FOXP1: variants seen among roughly 807,000 people sequenced by gnomAD.
The protein encoded by FOXP1 is forkhead box protein P1.
Under a neutral mutation model 98.2 loss-of-function variants are expected in FOXP1, and 15 were observed. The observed-to-expected ratio is 0.15, with a 90% CI of 0.10 to 0.24. FOXP1 has a LOEUF of 0.24. Ranked by LOEUF, FOXP1 falls within the 10% of genes least tolerant of loss-of-function variation. FOXP1 has a pLI of 1.00. For missense variants in FOXP1, 633 were observed against 848.5 expected (o/e 0.75, Z 3.15); for synonymous variants, 371 against 314.5 (o/e 1.18, Z -1.90).
intron 7 of FOXP1, among the ~76,000 whole-genome samples, chr3:71,068,248 C>T (rs2052795867): frequency 1.3e-5 from 2 of 152,216 alleles, no homozygotes. Flanking sequence ...TATGATCCCA[C>T]ACCAAACTCT....
Position 70,955,572 on chromosome 3 carries a change from T to TG in FOXP1, c.*3674_*3675insC, listed in dbSNP as rs2106793116. 1 of 222,176 alleles carries TG rather than the reference T, an allele frequency of 4.5e-6. No homozygotes were observed. Among genetic ancestry groups the TG allele is most frequent in the East Asian group, 6.1e-5 (1 of 16,326 alleles). The allele number at this position is 222,176 out of a possible 1,614,324, so 13.8% of individuals were successfully genotyped here. A position where few individuals can be genotyped will look rare whatever the true frequency, so the allele number is the denominator to read the frequency against. ...TTTACATCTTGGCACCTTGTAAAGTTTTTTTTTTTTTATACAAAAGTTCAA... is the reference window on the plus strand; with the variant it reads ...TTTACATCTTGGCACCTTGTAAAGTTGTTTTTTTTTTTATACAAAAGTTCAA... On this transcript the variant is annotated 3_prime_UTR_variant, in exon 21 of 21. Coordinates refer to ENST00000649528, the MANE Select transcript of FOXP1 (RefSeq NM_001349338.3).
intron 2 of FOXP1, among the ~76,000 whole-genome samples, chr3:71,513,643 T>TA (rs1252029949): frequency 1.3e-5 from 2 of 152,192 alleles, no homozygotes; most frequent in Non-Finnish European, 2.9e-5. Context: ...GGTCAGGGTG[T>TA]AGCGCAAGGT....
At chr3:71,079,424 G>C (rs2107508523) in intron 7 of FOXP1, among the ~76,000 whole-genome samples, 1 of 152,072 alleles carries the variant, frequency 6.6e-6, no homozygotes, top group Middle Eastern at 3.4e-3. Flanking sequence ...GAGAACTTCA[G>C]CCTGCTGAGA....
intron 6 of FOXP1, among the ~76,000 whole-genome samples, chr3:71,166,496 A>G (rs1425120086): frequency 1.3e-5 from 2 of 152,174 alleles, no homozygotes; most frequent in Non-Finnish European, 2.9e-5. Flanking sequence ...AGTTTAAACA[A>G]CTTGTTTACA....
At chr3:71,317,037 C>T (rs2075121609) in intron 4 of FOXP1, among the ~76,000 whole-genome samples, 1 of 152,092 alleles carries the variant, frequency 6.6e-6, no homozygotes, top group Non-Finnish European at 1.5e-5. Flanking sequence ...AAGTAAAATC[C>T]TCAGCTCAGA....
intron 2 of FOXP1, among the ~76,000 whole-genome samples, chr3:71,557,000 A>C (rs2107704545): frequency 6.6e-6 from 1 of 152,350 alleles, no homozygotes; most frequent in East Asian, 1.9e-4. Context: ...ACTAAAAAAA[A>C]AGTGTTCATG....
intron 3 of FOXP1, among the ~76,000 whole-genome samples, chr3:71,438,491 T>C (rs2085584900): frequency 6.6e-6 from 1 of 152,146 alleles, no homozygotes; most frequent in Non-Finnish European, 1.5e-5. Flanking sequence ...CAGAGGAAAC[T>C]CTGGCTCACA....
At chr3:71,468,445 A>T (rs536598286) in intron 3 of FOXP1, among the ~76,000 whole-genome samples, 1 of 152,258 alleles carries the variant, frequency 6.6e-6, no homozygotes, top group East Asian at 1.9e-4. Context: ...TCACACAGGG[A>T]TCTCACCTGC....
rs188739153 is a variant in FOXP1 at position 71,168,770 on chromosome 3, T to G, written c.180+29432A>C. ...GTTTGCCAGTGCTGGAAAACTTTTT[T>G]CCCCCGTTTTTAGGCAAACATTTGC... On this transcript the variant is annotated intron_variant, in intron 6 of 20. Coordinates refer to ENST00000649528, the MANE Select transcript of FOXP1 (RefSeq NM_001349338.3). 2.7e-3 allele frequency among the ~76,000 whole-genome samples: 404 copies of G among 152,302 alleles called. 2 individuals carry two copies. Among genetic ancestry groups the G allele is most frequent in the South Asian group, 4.8e-3 (23 of 4,824 alleles).
chr3:71,171,162 G>A (rs966756151), intron 6 of FOXP1, among the ~76,000 whole-genome samples: 1 of 151,300 alleles, frequency 6.6e-6, no homozygotes, highest in African/African-American at 2.4e-5. Context: ...CCTTTGCTGG[G>A]ATAAAAGTAC....
intron 4 of FOXP1, chr3:71,332,252 C>T (rs1052127855): frequency 6.4e-6 from 1 of 156,132 alleles, no homozygotes; most frequent in Admixed American, 6.5e-5. Flanking sequence ...ATGAACAACT[C>T]CAGACGCGCC....
intron 12 of FOXP1, among the ~76,000 whole-genome samples, chr3:71,011,207 A>T (rs570391978): frequency 6.6e-5 from 10 of 152,208 alleles, no homozygotes; most frequent in African/African-American, 2.4e-4. Flanking sequence ...ACTTTACAAT[A>T]TTCATTTTTA....
At chr3:71,336,719 C>T (rs909800613) in intron 4 of FOXP1, among the ~76,000 whole-genome samples, 2 of 152,162 alleles carry the variant, frequency 1.3e-5, no homozygotes, top group African/African-American at 4.8e-5. Context: ...ATTAATGGAT[C>T]TAGGCAGTAA....
intron 5 of FOXP1, among the ~76,000 whole-genome samples, chr3:71,294,759 G>A (rs151167228): frequency 7.2e-5 from 11 of 152,234 alleles, no homozygotes; most frequent in African/African-American, 2.6e-4. Context: ...CTTCCCAGCA[G>A]CCCTCAAAGT....
intron 2 of FOXP1, among the ~76,000 whole-genome samples, chr3:71,527,186 A>G (rs1478534719): frequency 6.6e-6 from 1 of 152,082 alleles, no homozygotes; most frequent in Non-Finnish European, 1.5e-5. Flanking sequence ...AACAATCCCA[A>G]TTTCACACCA....
At chr3:71,393,879 G>C (rs1240409396) in intron 3 of FOXP1, among the ~76,000 whole-genome samples, 3 of 152,142 alleles carry the variant, frequency 2.0e-5, no homozygotes, top group African/African-American at 4.8e-5. Flanking sequence ...ATTTTTTGTA[G>C]AGATGGGATC....
At chr3:71,419,875 C>T (rs552434286) in intron 3 of FOXP1, among the ~76,000 whole-genome samples, 3 of 152,056 alleles carry the variant, frequency 2.0e-5, no homozygotes, top group South Asian at 2.1e-4. Flanking sequence ...AGTGCAGAGG[C>T]GTGATCTCGG....
chr3:71,041,037 G>T (rs893235733), intron 11 of FOXP1, among the ~76,000 whole-genome samples: 2 of 152,202 alleles, frequency 1.3e-5, no homozygotes, highest in African/African-American at 4.8e-5. Flanking sequence ...CTTGGCAGAA[G>T]GAGTAGGCCT....
intron 3 of FOXP1, among the ~76,000 whole-genome samples, chr3:71,451,087 A>C (rs1213728787): frequency 5.3e-5 from 8 of 152,188 alleles, no homozygotes; most frequent in Non-Finnish European, 1.0e-4. Context: ...AACTGCATCC[A>C]ATCTTCCCCC....
Sources: gnomAD v4.1 joint callset for allele counts (sites outside exome capture counted in the v4.1 genomes callset) on GRCh38, gnomAD v4.1.1 for gene constraint, MANE v1.5 for transcripts, NCBI Gene and HGNC (gene_info 2026-07-23, HGNC 2026-07-21) for gene names.